The following DCUN1D5 variants were observed in gnomAD, a reference collection of about 807,000 sequenced individuals.
The protein encoded by DCUN1D5 is defective in cullin neddylation 1 domain containing 5, also known as DCN1-like protein 5.
In DCUN1D5, 10 loss-of-function variants were observed where a neutral mutation model predicts 38.3. The observed-to-expected ratio is 0.26, with a 90% CI of 0.16 to 0.44. The LOEUF is 0.44. Ranked by LOEUF, DCUN1D5 falls within the 20% of genes least tolerant of loss-of-function variation. The probability of loss-of-function intolerance (pLI) is 1.00; values close to 1 mark genes in which losing one functional copy is unlikely to be tolerated. For missense variants in DCUN1D5, 148 were observed against 275.3 expected, an observed-to-expected ratio of 0.54 and a Z score of 3.27; for synonymous variants, 93 against 90.9, an observed-to-expected ratio of 1.02 and a Z score of -0.13.
At position 103,062,785 on chromosome 11, in the gene DCUN1D5, A is replaced by T. The variant is rs563951013; in HGVS notation, c.659-371T>A. Among the ~76,000 whole-genome samples the T allele has an allele frequency of 5.3e-5, 8 of 152,268 alleles. No individual in the cohort carries two copies. Among genetic ancestry groups the T allele is most frequent in the Non-Finnish European group, 1.2e-4 (8 of 67,976 alleles). On this transcript the variant is annotated intron_variant, in intron 7 of 7. Coordinates refer to ENST00000260247, the MANE Select transcript of DCUN1D5 (RefSeq NM_032299.4). This position sits in a 1 kb window ranked among gnomAD's most constrained non-coding sequence, Gnocchi z 4.6. ...TATGTTGCCTCCCCAAGAAGTGTAC[A>T]AGCTTGTTGAGAGGGATCAGCCATA... is the stretch of plus-strand genomic sequence containing the variant.
At chr11:103,088,754 G>A (rs1862777311) in intron 2 of DCUN1D5, among the ~76,000 whole-genome samples, 1 of 152,214 alleles carries the variant, frequency 6.6e-6, no homozygotes, top group Non-Finnish European at 1.5e-5. Flanking sequence ...AAAAGTAAAT[G>A]TGTTGTACAA....
chr11:103,070,419 T>A (rs937463120), intron 4 of DCUN1D5, among the ~76,000 whole-genome samples: 2 of 152,070 alleles, frequency 1.3e-5, no homozygotes, highest in Non-Finnish European at 2.9e-5. Flanking sequence ...TAGATGATAT[T>A]AAAATAGAGC....
rs1394429106 is a variant in DCUN1D5 at position 103,057,996 on chromosome 11, A to G, written c.*4363T>C. Reference sequence around the variant, plus strand: ...TTTGGGGGAAAGCTAAGACATTTTTAATAAAACGTTTGCTATTAACTCCCA... The same window carrying G: ...TTTGGGGGAAAGCTAAGACATTTTTGATAAAACGTTTGCTATTAACTCCCA... On this transcript the variant is annotated 3_prime_UTR_variant, in exon 8 of 8. Transcript: ENST00000260247. This position sits in a 1 kb window ranked among gnomAD's most constrained non-coding sequence, Gnocchi z 4.8. 6.6e-6 allele frequency among the ~76,000 whole-genome samples: 1 copy of G among 152,228 alleles called. No homozygotes were observed. The highest frequency in any genetic ancestry group is 1.5e-5 in the Non-Finnish European group (1 of 68,030).
rs1050399334 is a variant in DCUN1D5 at position 103,092,136 on chromosome 11, G to A, written c.-264C>T. 2.1e-5 allele frequency: 9 copies of A among 437,130 alleles called. No homozygotes were observed. Among genetic ancestry groups the A allele is most frequent in the Middle Eastern group, 6.2e-4 (1 of 1,626 alleles). 27.1% of individuals were successfully genotyped at this position (437,130 alleles called of 1,614,324 possible). On this transcript the variant is annotated 5_prime_UTR_variant, in exon 1 of 8. Coordinates refer to ENST00000260247, the MANE Select transcript of DCUN1D5 (RefSeq NM_032299.4). Reference sequence around the variant, plus strand: ...CGGGAGGAGATAACGCGGACAGCGCGGCAGCTCCACCAGTCACAGCAAGCA... The same window carrying A: ...CGGGAGGAGATAACGCGGACAGCGCAGCAGCTCCACCAGTCACAGCAAGCA...
chr11:103,079,306 T>C (rs1862492126), intron 4 of DCUN1D5, among the ~76,000 whole-genome samples: 1 of 152,174 alleles, frequency 6.6e-6, no homozygotes, highest in African/African-American at 2.4e-5. Flanking sequence ...TACAGTATTG[T>C]AATGTTTTCC....
In DCUN1D5 at chr11:103,077,605, C is replaced by T. The variant is rs928538626; in HGVS notation, c.341+5143G>A. Reference sequence around the variant, plus strand: ...AAATTAATTTCCTGGTATTGCTAAGCAACTGATTACAAAGGGAGGCTTTTG... The same window carrying T: ...AAATTAATTTCCTGGTATTGCTAAGTAACTGATTACAAAGGGAGGCTTTTG... On this transcript the variant is annotated intron_variant, in intron 4 of 7. Coordinates refer to ENST00000260247, the MANE Select transcript of DCUN1D5 (RefSeq NM_032299.4). The surrounding 1 kb of genome is among the most constrained non-coding windows in gnomAD (Gnocchi z 4.3). Among the ~76,000 whole-genome samples the T allele has an allele frequency of 6.6e-6, 1 of 152,090 alleles. No homozygotes were observed. Among genetic ancestry groups the T allele is most frequent in the African/African-American group, 2.4e-5 (1 of 41,408 alleles).
rs1862634382 is a variant in DCUN1D5 at position 103,083,991 on chromosome 11, C to T, written c.179-665G>A. Among the ~76,000 whole-genome samples the T allele has an allele frequency of 1.3e-5, 2 of 152,110 alleles. No homozygotes were observed. The highest frequency in any genetic ancestry group is 1.3e-4 in the Admixed American group (2 of 15,280). ...GTTTAATCTTTCAATTAGTTAGTGT[C>T]TATCATTCATCCAAAAATTAATTAC... On this transcript the variant is annotated intron_variant, in intron 2 of 7. Transcript: ENST00000260247. This position sits in a 1 kb window ranked among gnomAD's most constrained non-coding sequence, Gnocchi z 4.4.
At position 103,091,696 on chromosome 11, in the gene DCUN1D5, C is replaced by T. The variant is rs889487768; in HGVS notation, c.86+91G>A. 4 of 1,610,354 alleles carry T rather than the reference C, an allele frequency of 2.5e-6. No individual in the cohort carries two copies. In the South Asian group the frequency reaches 4.4e-5, roughly 18 times the overall value. ...AAAGGGGCCTCACCTGTCTCCAGCC[C>T]CAGCCCGGCAGGCCGGGCCCGACTC... On this transcript the variant is annotated intron_variant, in intron 1 of 7. Coordinates refer to ENST00000260247, the MANE Select transcript of DCUN1D5 (RefSeq NM_032299.4). The surrounding 1 kb of genome is among the most constrained non-coding windows in gnomAD (Gnocchi z 4.3).
rs1190864169 is a variant in DCUN1D5 at position 103,064,661 on chromosome 11, T to C, written c.556-284A>G. On this transcript the variant is annotated intron_variant, in intron 6 of 7. Coordinates refer to ENST00000260247, the MANE Select transcript of DCUN1D5 (RefSeq NM_032299.4). The surrounding 1 kb of genome is among the most constrained non-coding windows in gnomAD (Gnocchi z 4.5). ...ATGTATATACTTGTGTTACCACCAATGAGATCAAGATATATAACATTTCCT... is the reference window on the plus strand; with the variant it reads ...ATGTATATACTTGTGTTACCACCAACGAGATCAAGATATATAACATTTCCT... Among the ~76,000 whole-genome samples the C allele has an allele frequency of 2.6e-5, 4 of 152,122 alleles. No homozygotes were observed. The highest frequency in any genetic ancestry group is 5.9e-5 in the Non-Finnish European group (4 of 67,998).
Position 103,091,590 on chromosome 11 carries a change from G to T in DCUN1D5, c.86+197C>A. Reference sequence around the variant, plus strand: ...CGGCTCTTCTAGTCTCTCCATAAACGCCAGCGTGCACACACTCGAACACGA... The same window carrying T: ...CGGCTCTTCTAGTCTCTCCATAAACTCCAGCGTGCACACACTCGAACACGA... On this transcript the variant is annotated intron_variant, in intron 1 of 7. Coordinates refer to ENST00000260247, the MANE Select transcript of DCUN1D5 (RefSeq NM_032299.4). The surrounding 1 kb of genome is among the most constrained non-coding windows in gnomAD (Gnocchi z 4.3). 2.2e-6 allele frequency: 2 copies of T among 889,522 alleles called. No individual in the cohort carries two copies. Among genetic ancestry groups the T allele is most frequent in the Non-Finnish European group, 3.4e-6 (2 of 580,266 alleles). The allele number at this position is 889,522 out of a possible 1,614,324, so 55.1% of individuals were successfully genotyped here. A position where few individuals can be genotyped will look rare whatever the true frequency, so the allele number is the denominator to read the frequency against.
At position 103,065,974 on chromosome 11, in the gene DCUN1D5, T is replaced by G. The variant is rs1443287032; in HGVS notation, c.555+295A>C. Among the ~76,000 whole-genome samples the G allele has an allele frequency of 2.6e-5, 4 of 152,088 alleles. No homozygotes were observed. Among genetic ancestry groups the G allele is most frequent in the African/African-American group, 9.7e-5 (4 of 41,416 alleles). On this transcript the variant is annotated intron_variant, in intron 6 of 7. Transcript: ENST00000260247. The surrounding 1 kb of genome is among the most constrained non-coding windows in gnomAD (Gnocchi z 4.6). Reference sequence around the variant, plus strand: ...TTGTGTACTAGCATTAACTCTCTTATGAAAACCCCGAGAAACTAATTCTGC... The same window carrying G: ...TTGTGTACTAGCATTAACTCTCTTAGGAAAACCCCGAGAAACTAATTCTGC...
chr11:103,064,228 A>AT lies in DCUN1D5; in HGVS notation c.658+46dup. ...ACACAAATGCATACTCTCATTTAAT[A>AT]TTTTTGGAAATTTTGTTTTCAAAGG... On this transcript the variant is annotated intron_variant, in intron 7 of 7. Coordinates refer to ENST00000260247, the MANE Select transcript of DCUN1D5 (RefSeq NM_032299.4). This position sits in a 1 kb window ranked among gnomAD's most constrained non-coding sequence, Gnocchi z 4.5. 1 of 1,481,856 alleles carries AT rather than the reference A, an allele frequency of 6.7e-7. No homozygotes were observed. Among genetic ancestry groups the AT allele is most frequent in the Non-Finnish European group, 9.3e-7 (1 of 1,071,580 alleles). 91.8% of individuals were successfully genotyped at this position (1,481,856 alleles called of 1,614,324 possible).
rs540722091 is a variant in DCUN1D5, at chr11:103,064,779, G to A, written c.556-402C>T. The stretch of plus-strand genomic sequence containing the variant: ...CCACATTTTGAGTTTGGCATCTTTG[G>A]AAACAAGTGAAAGAGTATAGGCTTC... On this transcript the variant is annotated intron_variant, in intron 6 of 7. Transcript: ENST00000260247. This position sits in a 1 kb window ranked among gnomAD's most constrained non-coding sequence, Gnocchi z 4.5. Among the ~76,000 whole-genome samples the A allele has an allele frequency of 1.3e-5, 2 of 152,034 alleles. No homozygotes were observed. The highest frequency in any genetic ancestry group is 2.9e-5 in the Non-Finnish European group (2 of 67,990).
At chr11:103,074,911 C>T (rs1016439283) in intron 4 of DCUN1D5, among the ~76,000 whole-genome samples, 5 of 152,134 alleles carry the variant, frequency 3.3e-5, no homozygotes, top group African/African-American at 7.2e-5. Flanking sequence ...CTAGTGATCA[C>T]GGAACCTTTT....
At chr11:103,079,155 C>T (rs1486925764) in intron 4 of DCUN1D5, among the ~76,000 whole-genome samples, 2 of 152,140 alleles carry the variant, frequency 1.3e-5, no homozygotes, top group Non-Finnish European at 2.9e-5. Context: ...AGGTTGCATG[C>T]GCCTTATGAG....
Position 103,086,378 on chromosome 11 carries a change from T to C in DCUN1D5, c.178+2849A>G, listed in dbSNP as rs1862708662. Reference sequence around the variant, plus strand: ...AGGGCTTTACATGTATTATTCTCAGTAGGCAAAATTATTGGCTTCATTTTA... The same window carrying C: ...AGGGCTTTACATGTATTATTCTCAGCAGGCAAAATTATTGGCTTCATTTTA... On this transcript the variant is annotated intron_variant, in intron 2 of 7. Transcript: ENST00000260247. This position sits in a 1 kb window ranked among gnomAD's most constrained non-coding sequence, Gnocchi z 4.1. Among the ~76,000 whole-genome samples, 1 of 152,208 alleles carries C rather than the reference T, an allele frequency of 6.6e-6. No individual in the cohort carries two copies. Among genetic ancestry groups the C allele is most frequent in the East Asian group, 1.9e-4 (1 of 5,202 alleles).
In DCUN1D5 at chr11:103,083,396, G is replaced by A. The variant is rs1283751004; in HGVS notation, c.179-70C>T. On this transcript the variant is annotated intron_variant, in intron 2 of 7. Transcript: ENST00000260247. This position sits in a 1 kb window ranked among gnomAD's most constrained non-coding sequence, Gnocchi z 4.4. Reference sequence around the variant, plus strand: ...ATAAAACATAAATCGTCATGCTAAAGGTACCCATGAACACACCATAATATT... The same window carrying A: ...ATAAAACATAAATCGTCATGCTAAAAGTACCCATGAACACACCATAATATT... The A allele has an allele frequency of 5.0e-5, 43 of 867,618 alleles. No homozygotes were observed. The highest frequency in any genetic ancestry group is 6.3e-5 in the Non-Finnish European group (33 of 521,344). The allele number at this position is 867,618 out of a possible 1,614,324, so 53.7% of individuals were successfully genotyped here. A position where few individuals can be genotyped will look rare whatever the true frequency, so the allele number is the denominator to read the frequency against.
chr11:103,070,756 G>T (rs554403937), intron 4 of DCUN1D5, among the ~76,000 whole-genome samples: 1 of 152,132 alleles, frequency 6.6e-6, no homozygotes, highest in South Asian at 2.1e-4. Flanking sequence ...TCCATTCGAA[G>T]ACAACAGAAT....
Position 103,062,418 on chromosome 11 carries a change from GA to G in DCUN1D5, c.659-5del, listed in dbSNP as rs1221143989. 1.2e-6 allele frequency: 2 copies of G among 1,607,804 alleles called. No individual in the cohort carries two copies. The highest frequency in any genetic ancestry group is 1.1e-5 in the South Asian group (1 of 89,936). On this transcript the variant is annotated splice_region_variant and splice_polypyrimidine_tract_variant and intron_variant, in intron 7 of 7. Coordinates refer to ENST00000260247, the MANE Select transcript of DCUN1D5 (RefSeq NM_032299.4). The surrounding 1 kb of genome is among the most constrained non-coding windows in gnomAD (Gnocchi z 4.6). Reference sequence around the variant, plus strand: ...AATTCATCAAGAAGAACAGGCCCTAGAAAAAAAGAAACCATTTTTGTCAGAA... The same window carrying G: ...AATTCATCAAGAAGAACAGGCCCTAGAAAAAAGAAACCATTTTTGTCAGAA...
Sources: allele counts gnomAD v4.1 joint callset (sites outside exome capture counted in the v4.1 genomes callset), GRCh38; gene constraint gnomAD v4.1.1; non-coding constraint Gnocchi (gnomAD v3.1); transcripts MANE v1.5; gene names NCBI Gene and HGNC (gene_info 2026-07-23, HGNC 2026-07-21).